Variants in MYT1L observed in about 807,000 individuals in gnomAD.
MYT1L encodes the protein myelin transcription factor 1 like, also known as myelin transcription factor 1-like protein.
A neutral mutation model predicts 126.7 loss-of-function variants in MYT1L; 12 were observed. The ratio of observed to expected loss-of-function variants is 0.09; its 90% CI spans 0.06 to 0.15. The LOEUF is 0.15. Among genes scored for constraint, MYT1L ranks in the 10% least tolerant of loss-of-function variants. MYT1L has a pLI of 1.00. For missense variants in MYT1L, 979 were observed against 1,585.2 expected (o/e 0.62, Z 6.49); for synonymous variants, 541 against 604.2 (o/e 0.90, Z 1.53).
intron 1 of MYT1L, among the ~76,000 whole-genome samples, chr2:2,318,190 A>C (rs555419001): frequency 6.6e-6 from 1 of 152,356 alleles, no homozygotes; most frequent in South Asian, 2.1e-4. Flanking sequence ...ACTACTCCTT[A>C]CACAACTTCT....
chr2:2,198,820 T>A (rs1269717526), intron 2 of MYT1L, among the ~76,000 whole-genome samples: 1 of 152,138 alleles, frequency 6.6e-6, no homozygotes, highest in Non-Finnish European at 1.5e-5. Context: ...CACTCCAGCC[T>A]GGGCGACAGA....
intron 8 of MYT1L, among the ~76,000 whole-genome samples, chr2:1,976,202 C>G (rs1057499790): frequency 6.6e-6 from 1 of 151,716 alleles, no homozygotes; most frequent in African/African-American, 2.4e-5. Context: ...TAGAAGAAGC[C>G]TGGTGTCCTA....
At chr2:2,027,915 A>T (rs895527944) in intron 4 of MYT1L, among the ~76,000 whole-genome samples, 6 of 152,266 alleles carry the variant, frequency 3.9e-5, no homozygotes, top group African/African-American at 7.2e-5. Context: ...TTTAGAGCTC[A>T]GGAGCCATAA....
chr2:2,249,158 T>TA (rs1465614834), intron 2 of MYT1L, among the ~76,000 whole-genome samples: 8 of 152,004 alleles, frequency 5.3e-5, no homozygotes, highest in Admixed American at 1.3e-4. Context: ...CTAATAAATT[T>TA]AAAAAATAAA....
chr2:1,904,133 C>T (rs543098828), intron 13 of MYT1L, among the ~76,000 whole-genome samples: 8 of 152,300 alleles, frequency 5.3e-5, no homozygotes, highest in East Asian at 3.9e-4. Context: ...CAAAACCAGG[C>T]GACTAACATT....
chr2:2,088,245 T>C (rs962746737), intron 3 of MYT1L, among the ~76,000 whole-genome samples: 1 of 152,170 alleles, frequency 6.6e-6, no homozygotes. Flanking sequence ...ACTGACTCGC[T>C]TTCTCTAGAA....
chr2:1,968,389 T>C (rs1228536179), intron 8 of MYT1L, among the ~76,000 whole-genome samples: 3 of 152,200 alleles, frequency 2.0e-5, no homozygotes, highest in Non-Finnish European at 2.9e-5. Flanking sequence ...TATTTATGAA[T>C]AAAATTTCTT....
intron 8 of MYT1L, among the ~76,000 whole-genome samples, chr2:1,966,573 G>A (rs1425355146): frequency 4.6e-5 from 7 of 152,024 alleles, no homozygotes; most frequent in African/African-American, 7.2e-5. Flanking sequence ...GGGAAGAAAC[G>A]AAAAGACACA....
intron 2 of MYT1L, among the ~76,000 whole-genome samples, chr2:2,238,548 G>T (rs1042803082): frequency 2.0e-5 from 3 of 152,204 alleles, no homozygotes; most frequent in Non-Finnish European, 2.9e-5. Context: ...GGTGACACCC[G>T]AGGAGAGTTG....
chr2:2,241,292 T>A (rs1288145731), intron 2 of MYT1L, among the ~76,000 whole-genome samples: 1 of 152,014 alleles, frequency 6.6e-6, no homozygotes, highest in African/African-American at 2.4e-5. Context: ...TGTGTGTGTG[T>A]GTGATACATC....
At chr2:2,256,124 A>AC (rs1459090773) in intron 2 of MYT1L, among the ~76,000 whole-genome samples, 1 of 151,984 alleles carries the variant, frequency 6.6e-6, no homozygotes, top group Non-Finnish European at 1.5e-5. Context: ...CCAAAACAAG[A>AC]CCCCCGGTGA....
chr2:1,901,405 A>G (rs1017840025), intron 14 of MYT1L, among the ~76,000 whole-genome samples: 1 of 152,238 alleles, frequency 6.6e-6, no homozygotes, highest in African/African-American at 2.4e-5. Flanking sequence ...TCACTTGTAG[A>G]TGAACAAATG....
At chr2:2,038,898 C>T (rs949671458) in intron 4 of MYT1L, among the ~76,000 whole-genome samples, 2 of 152,164 alleles carry the variant, frequency 1.3e-5, no homozygotes, top group Non-Finnish European at 2.9e-5. Flanking sequence ...TCACTCTTTC[C>T]AGGGCCTCCC....
chr2:1,911,995 C>T lies in MYT1L; in HGVS notation c.1709+25G>A, dbSNP rs901415139. On this transcript the variant is annotated intron_variant, in intron 12 of 24. Transcript: ENST00000647738. ...GGAGAGCAGCCGGTGCTCCCTCCCA[C>T]ACCAGTGACCCACGCGTGGCTTACC... 11 of 1,553,562 alleles carry T rather than the reference C, an allele frequency of 7.1e-6. No individual in the cohort carries two copies. The African/African-American group carries it at 9.5e-5, about 13-fold the overall frequency.
intron 21 of MYT1L, among the ~76,000 whole-genome samples, chr2:1,817,522 A>G (rs6757166): frequency 0.25 from 38,394 of 152,224 alleles, 5,489 homozygotes; most frequent in East Asian, 0.6. Flanking sequence ...ATTAGGAAAC[A>G]AAGACGGGCC....
At chr2:2,242,936 T>G (rs2094466127) in intron 2 of MYT1L, among the ~76,000 whole-genome samples, 1 of 151,840 alleles carries the variant, frequency 6.6e-6, no homozygotes, top group South Asian at 2.1e-4. Flanking sequence ...AAGGTGCCTG[T>G]GGAATAGGTT....
At chr2:2,094,901 C>T (rs1241799076) in intron 3 of MYT1L, among the ~76,000 whole-genome samples, 2 of 152,062 alleles carry the variant, frequency 1.3e-5, no homozygotes, top group African/African-American at 4.8e-5. Context: ...TGCACATGTA[C>T]CCTAGAACTT....
intron 21 of MYT1L, among the ~76,000 whole-genome samples, chr2:1,837,858 G>T (rs2041115133): frequency 6.6e-6 from 1 of 151,412 alleles, no homozygotes; most frequent in Non-Finnish European, 1.5e-5. Flanking sequence ...AAGGGATTAG[G>T]TCGGGGAAAG....
intron 3 of MYT1L, among the ~76,000 whole-genome samples, chr2:2,084,336 G>A (rs1335654639): frequency 6.6e-6 from 1 of 152,260 alleles, no homozygotes; most frequent in Non-Finnish European, 1.5e-5. Context: ...CCCATCTCCT[G>A]GTCATGCCTC....
Sources: gnomAD v4.1 joint callset for allele counts (sites outside exome capture counted in the v4.1 genomes callset) on GRCh38, gnomAD v4.1.1 for gene constraint, MANE v1.5 for transcripts, NCBI Gene and HGNC (gene_info 2026-07-23, HGNC 2026-07-21) for gene names.